GRIK2: variants seen among roughly 807,000 people sequenced by gnomAD.
The protein encoded by GRIK2 is glutamate receptor ionotropic, kainate 2.
In GRIK2, 32 loss-of-function variants were observed where a neutral mutation model predicts 100.3. The ratio of observed to expected loss-of-function variants is 0.32; its 90% CI spans 0.24 to 0.43. GRIK2 has a LOEUF of 0.43. Among genes scored for constraint, GRIK2 ranks in the 20% least tolerant of loss-of-function variants. GRIK2 has a pLI of 1.00. For missense variants in GRIK2, 843 were observed against 1,114.9 expected, an observed-to-expected ratio of 0.76 and a Z score of 3.47; for synonymous variants, 417 against 389.4, an observed-to-expected ratio of 1.07 and a Z score of -0.83.
intron 11 of GRIK2, among the ~76,000 whole-genome samples, chr6:101,873,345 G>A (rs1785562048): frequency 6.7e-6 from 1 of 149,358 alleles, no homozygotes; most frequent in African/African-American, 2.5e-5. Context: ...AACATGTGGT[G>A]TTTGGTTTTT....
In GRIK2 at chr6:101,736,565, A is replaced by T. The variant is rs577750638; in HGVS notation, c.951+50212A>T. Among the ~76,000 whole-genome samples the T allele has an allele frequency of 5.9e-5, 9 of 152,276 alleles. No homozygotes were observed. The South Asian group carries it at 1.9e-3, about 32-fold the overall frequency. On this transcript the variant is annotated intron_variant, in intron 7 of 16. Coordinates refer to ENST00000369134, the MANE Select transcript of GRIK2 (RefSeq NM_021956.5). ...TCTGAAGCCACAGCCTGAGCTCTAC[A>T]TTGGCCCCTTTCAGCCGTGGCTAGA... is the stretch of plus-strand genomic sequence containing the variant.
intron 12 of GRIK2, among the ~76,000 whole-genome samples, chr6:101,897,768 CT>C (rs1489021641): frequency 1.3e-5 from 2 of 151,762 alleles, no homozygotes; most frequent in African/African-American, 4.8e-5. Flanking sequence ...TTCTGTATGT[CT>C]TAATGATTAG....
At chr6:101,529,121 GTTA>G (rs920774079) in intron 2 of GRIK2, among the ~76,000 whole-genome samples, 1 of 152,068 alleles carries the variant, frequency 6.6e-6, no homozygotes, top group African/African-American at 2.4e-5. Context: ...TTGAACTTGA[GTTA>G]TTATTCACTT....
chr6:101,705,136 A>C (rs1182220429), intron 7 of GRIK2, among the ~76,000 whole-genome samples: 1 of 150,660 alleles, frequency 6.6e-6, no homozygotes, highest in African/African-American at 2.4e-5. Context: ...AGTTTAGATT[A>C]CTTTTCTTTT....
chr6:101,730,950 G>A (rs187145778), intron 7 of GRIK2, among the ~76,000 whole-genome samples: 19 of 151,996 alleles, frequency 1.3e-4, no homozygotes, highest in African/African-American at 4.6e-4. Flanking sequence ...CACACACTGC[G>A]ATTTACTTGA....
At chr6:101,783,155 G>T (rs938077617) in intron 7 of GRIK2, among the ~76,000 whole-genome samples, 5 of 152,060 alleles carry the variant, frequency 3.3e-5, no homozygotes, top group Non-Finnish European at 7.4e-5. Context: ...AGTGCACCCG[G>T]CCTCAAATCT....
At chr6:101,395,331 AG>A (rs1169130763) in intron 1 of GRIK2, among the ~76,000 whole-genome samples, 1 of 152,228 alleles carries the variant, frequency 6.6e-6, no homozygotes, top group Non-Finnish European at 1.5e-5. Context: ...ACATAACAGC[AG>A]GACTTCCGTG....
chr6:101,682,573 G>T lies in GRIK2; in HGVS notation c.744G>T (p.Met248Ile). 1.5e-6 allele frequency: 2 copies of T among 1,329,954 alleles called. No individual in the cohort carries two copies. Among genetic ancestry groups the T allele is most frequent in the South Asian group, 1.2e-5 (1 of 81,714 alleles). The allele number at this position is 1,329,954 out of a possible 1,614,324, so 82.4% of individuals were successfully genotyped here. ...ILKQALAMGM[M>I]TEYYHYIFTT... ...CTTAGGCATTAGCTATGGGAATGAT[G>T]ACAGAATACTATCATTATATCTTTA... The change falls in exon 6 of 17, where the codon ATG (methionine) becomes ATT (isoleucine). Residue 248 changes from methionine (M) to isoleucine (I), a missense_variant. Met to Ile is a conservative substitution (Grantham distance 10). Transcript: ENST00000369134.
At chr6:101,412,795 T>G (rs1562119309) in intron 2 of GRIK2, among the ~76,000 whole-genome samples, 1 of 152,040 alleles carries the variant, frequency 6.6e-6, no homozygotes, top group Non-Finnish European at 1.5e-5. Flanking sequence ...TATATTCATC[T>G]AATTATGGTT....
At chr6:101,760,604 A>ATAATTATATGTT (rs1554259492) in intron 7 of GRIK2, among the ~76,000 whole-genome samples, 757 of 62,070 alleles carry the variant, frequency 0.012, 125 homozygotes, top group African/African-American at 0.082. Context: ...ATAATTATAT[A>ATAATTATATGTT]TAATTATATT....
intron 2 of GRIK2, among the ~76,000 whole-genome samples, chr6:101,460,265 G>C (rs1033290349): frequency 1.3e-5 from 2 of 152,148 alleles, no homozygotes; most frequent in Non-Finnish European, 2.9e-5. Context: ...TTTCTCTGGG[G>C]CCATTTAGGT....
chr6:102,004,739 G>C (rs982246422), intron 14 of GRIK2, among the ~76,000 whole-genome samples: 4 of 151,778 alleles, frequency 2.6e-5, no homozygotes, highest in Admixed American at 2.6e-4. Flanking sequence ...TGTTATTTCA[G>C]CTCCTTAGAA....
chr6:101,470,181 A>T lies in GRIK2; in HGVS notation c.115+70789A>T, dbSNP rs2399712. 6.2e-3 allele frequency among the ~76,000 whole-genome samples: 944 copies of T among 152,214 alleles called. 7 individuals carry two copies. Among genetic ancestry groups the T allele is most frequent in the African/African-American group, 0.022 (918 of 41,552 alleles). On this transcript the variant is annotated intron_variant, in intron 2 of 16. Coordinates refer to ENST00000369134, the MANE Select transcript of GRIK2 (RefSeq NM_021956.5). ...AAATATTTCCAGTGAATTTTGTCCC[A>T]GTGGCTTCACCGGAACTGAAGCAGT...
intron 2 of GRIK2, among the ~76,000 whole-genome samples, chr6:101,479,001 T>C (rs935383922): frequency 2.0e-5 from 3 of 152,162 alleles, no homozygotes; most frequent in African/African-American, 4.8e-5. Flanking sequence ...ATCTTTTTCA[T>C]TGAGAAAATG....
chr6:101,774,616 A>C (rs1293126520), intron 7 of GRIK2, among the ~76,000 whole-genome samples: 1 of 152,202 alleles, frequency 6.6e-6, no homozygotes, highest in Non-Finnish European at 1.5e-5. Context: ...AAATTTAATT[A>C]GGTAAGAATA....
chr6:101,961,357 C>G lies in GRIK2; in HGVS notation c.2085+32725C>G, dbSNP rs553049738. On this transcript the variant is annotated intron_variant, in intron 14 of 16. Coordinates refer to ENST00000369134, the MANE Select transcript of GRIK2 (RefSeq NM_021956.5). ...TGTGTAGAGTGAGGGATGGACTCCA[C>G]CATTCTTGCAAGCTGGGCTAATGGA... 1.7e-4 allele frequency among the ~76,000 whole-genome samples: 26 copies of G among 151,296 alleles called. No individual in the cohort carries two copies. In the South Asian group the frequency reaches 3.3e-3, roughly 19 times the overall value.
chr6:101,863,863 C>T (rs1459655663), intron 11 of GRIK2, among the ~76,000 whole-genome samples: 2 of 152,080 alleles, frequency 1.3e-5, no homozygotes, highest in East Asian at 1.9e-4. Flanking sequence ...ATTGGCCGGG[C>T]GCGGTGGCTC....
Position 101,586,892 on chromosome 6 carries a change from C to CAAAAAAAA in GRIK2, c.116-35043_116-35036dup, listed in dbSNP as rs1199378638. Among the ~76,000 whole-genome samples, 227 of 53,934 alleles carry CAAAAAAAA rather than the reference C, an allele frequency of 4.2e-3. 10 individuals carry two copies. Among genetic ancestry groups the CAAAAAAAA allele is most frequent in the African/African-American group, 0.012 (208 of 17,040 alleles). 35.4% of individuals were successfully genotyped at this position (53,934 alleles called of 152,430 possible). On this transcript the variant is annotated intron_variant, in intron 2 of 16. Coordinates refer to ENST00000369134, the MANE Select transcript of GRIK2 (RefSeq NM_021956.5). The stretch of plus-strand genomic sequence containing the variant: ...GCAAAAGAGCAAGTCTCTGTCTTAA[C>CAAAAAAAA]AAAAAAAAAAAAAAAAAAAAAGAGA...
At chr6:101,810,207 G>A (rs1326913570) in intron 9 of GRIK2, among the ~76,000 whole-genome samples, 3 of 151,572 alleles carry the variant, frequency 2.0e-5, no homozygotes, top group African/African-American at 4.8e-5. Context: ...GAATGGTATC[G>A]TATTTTCATA....
Sources: allele counts gnomAD v4.1 joint callset (sites outside exome capture counted in the v4.1 genomes callset), GRCh38; gene constraint gnomAD v4.1.1; transcripts MANE v1.5; gene names NCBI Gene and HGNC (gene_info 2026-07-23, HGNC 2026-07-21).